The following TPST2 variants were observed in gnomAD, a reference collection of about 807,000 sequenced individuals.
The protein encoded by TPST2 is protein-tyrosine sulfotransferase 2.
Under a neutral mutation model 27.8 loss-of-function variants are expected in TPST2, and 16 were observed. That is an observed-to-expected ratio of 0.58 (90% CI 0.39 to 0.88). The LOEUF is 0.88. Ranked by LOEUF, TPST2 falls within the 40% of genes least tolerant of loss-of-function variation. TPST2 has a pLI of 0.00. For synonymous variants in TPST2, 229 were observed against 231.7 expected (o/e 0.99, Z 0.10); for missense variants, 464 against 543.1 (o/e 0.85, Z 1.45).
At chr22:26,585,532 T>C (rs2145943344) in intron 1 of TPST2, among the ~76,000 whole-genome samples, 1 of 152,188 alleles carries the variant, frequency 6.6e-6, no homozygotes, top group African/African-American at 2.4e-5. Context: ...TACATGCAGG[T>C]CCTCAGAGGG....
chr22:26,548,519 AAAG>A (rs1223264713), intron 1 of TPST2, among the ~76,000 whole-genome samples: 1 of 108,832 alleles, frequency 9.2e-6, no homozygotes, highest in Admixed American at 1.1e-4. Context: ...AAAGGAAGAA[AAAG>A]AAGAAAAGCA....
chr22:26,532,437 C>T (rs534545089), intron 5 of TPST2, among the ~76,000 whole-genome samples: 50 of 152,262 alleles, frequency 3.3e-4, no homozygotes, highest in Admixed American at 8.5e-4. Context: ...TGTGCCACTA[C>T]GCCCGGATAA....
intron 1 of TPST2, among the ~76,000 whole-genome samples, chr22:26,564,947 G>A (rs1927311315): frequency 6.6e-6 from 1 of 152,204 alleles, no homozygotes; most frequent in Non-Finnish European, 1.5e-5. Context: ...GTGAAATGAG[G>A]ACGTAACACA....
chr22:26,572,649 C>G (rs1246539340), intron 1 of TPST2, among the ~76,000 whole-genome samples: 1 of 152,104 alleles, frequency 6.6e-6, no homozygotes, highest in Non-Finnish European at 1.5e-5. Flanking sequence ...AAGCTCTACC[C>G]TCCTATGTCT....
At position 26,526,761 on chromosome 22, in the gene TPST2, G is replaced by C. The variant is rs58611941; in HGVS notation, c.*8-494C>G. Among the ~76,000 whole-genome samples the C allele has an allele frequency of 3.4e-3, 521 of 152,292 alleles. 4 individuals carry two copies. Among genetic ancestry groups the C allele is most frequent in the African/African-American group, 0.011 (474 of 41,550 alleles). ...GGGAGGAAAGCTGTTTTTCATGAGA[G>C]GGTTCTTTTCTTTGGAATAGAACTA... On this transcript the variant is annotated intron_variant, in intron 6 of 6. Transcript: ENST00000338754.
chr22:26,541,711 G>A lies in TPST2; in HGVS notation c.-81C>T, dbSNP rs1042170330. On this transcript the variant is annotated 5_prime_UTR_variant, in exon 3 of 7. Transcript: ENST00000338754. The surrounding 1 kb of genome is among the most constrained non-coding windows in gnomAD (Gnocchi z 5.9). ...GACAGGTTAGCGGGCAGCCCGCCAGGCTCACATCTGGGGAGAGAGGGGGAC... is the reference window on the plus strand; with the variant it reads ...GACAGGTTAGCGGGCAGCCCGCCAGACTCACATCTGGGGAGAGAGGGGGAC... The A allele has an allele frequency of 1.2e-5, 18 of 1,469,224 alleles. No homozygotes were observed. Among genetic ancestry groups the A allele is most frequent in the Admixed American group, 2.4e-5 (1 of 40,852 alleles). 91.0% of individuals were successfully genotyped at this position (1,469,224 alleles called of 1,614,324 possible). A position where few individuals can be genotyped will look rare whatever the true frequency, so the allele number is the denominator to read the frequency against.
chr22:26,558,073 T>TTATA (rs71702234), intron 1 of TPST2, among the ~76,000 whole-genome samples: 2 of 143,810 alleles, frequency 1.4e-5, no homozygotes, highest in African/African-American at 5.1e-5. Context: ...TATATAAAAT[T>TTATA]TATATATATA....
chr22:26,543,675 C>T (rs761493968), intron 2 of TPST2, among the ~76,000 whole-genome samples: 1 of 152,208 alleles, frequency 6.6e-6, no homozygotes, highest in Non-Finnish European at 1.5e-5. Flanking sequence ...AAAGCATTTT[C>T]CCTGCAGTAT....
intron 1 of TPST2, among the ~76,000 whole-genome samples, chr22:26,584,645 A>T (rs1928268215): frequency 6.6e-6 from 1 of 152,172 alleles, no homozygotes; most frequent in South Asian, 2.1e-4. Context: ...AGCCTAGGCA[A>T]CAGAGCAAGA....
chr22:26,552,524 C>T (rs1377663902), intron 1 of TPST2, among the ~76,000 whole-genome samples: 6 of 152,190 alleles, frequency 3.9e-5, no homozygotes, highest in Non-Finnish European at 5.9e-5. Context: ...CAACTTTCGA[C>T]GACCCTGCTT....
At position 26,550,543 on chromosome 22, in the gene TPST2, C is replaced by T. The variant is rs142140568; in HGVS notation, c.-160-5868G>A. On this transcript the variant is annotated intron_variant, in intron 1 of 6. Coordinates refer to ENST00000338754, the MANE Select transcript of TPST2 (RefSeq NM_003595.5). Reference sequence around the variant, plus strand: ...CAGGGGGGCAGGGAGGGGACAACAGCGGGGAGCTGGCAGTGCACAAAGCCA... The same window carrying T: ...CAGGGGGGCAGGGAGGGGACAACAGTGGGGAGCTGGCAGTGCACAAAGCCA... 4.0e-4 allele frequency: 388 copies of T among 978,150 alleles called. 1 individual carries two copies. The African/African-American group carries it at 4.3e-3, about 11-fold the overall frequency. 60.6% of individuals were successfully genotyped at this position (978,150 alleles called of 1,614,324 possible).
chr22:26,528,411 A>G, intron 5 of TPST2, 149 bp from the exon 6 acceptor site: 1 of 1,060,652 alleles, frequency 9.4e-7, no homozygotes, highest in South Asian at 1.5e-5. Flanking sequence ...AGGTGCTGGG[A>G]TAGCGTGGTG....
intron 1 of TPST2, among the ~76,000 whole-genome samples, chr22:26,562,040 A>G (rs1927127832): frequency 2.0e-5 from 3 of 150,714 alleles, no homozygotes; most frequent in African/African-American, 7.5e-5. Flanking sequence ...CGGGCTGGTG[A>G]ACACCAAGCA....
chr22:26,534,931 C>T (rs376917153), intron 4 of TPST2, among the ~76,000 whole-genome samples: 21 of 152,218 alleles, frequency 1.4e-4, no homozygotes, highest in South Asian at 6.2e-4. Context: ...CTGTCAATGT[C>T]GGCTGGTATG....
In TPST2 at chr22:26,525,547, G is replaced by C. The variant is rs541392346; in HGVS notation, c.*728C>G. 1 of 152,300 alleles carries C rather than the reference G, an allele frequency of 6.6e-6. No homozygotes were observed. Among genetic ancestry groups the C allele is most frequent in the Non-Finnish European group, 1.5e-5 (1 of 68,028 alleles). 9.4% of individuals were successfully genotyped at this position (152,300 alleles called of 1,614,324 possible). On this transcript the variant is annotated 3_prime_UTR_variant, in exon 7 of 7. Transcript: ENST00000338754. ...TGATTTTAATGTTTATCCTTTTGCT[G>C]TAATAAACCATAACCATAAGGATAA...
chr22:26,562,582 G>A (rs539647792), intron 1 of TPST2, among the ~76,000 whole-genome samples: 9 of 150,218 alleles, frequency 6.0e-5, no homozygotes, highest in South Asian at 4.3e-4. Context: ...CTGTTGATTA[G>A]TTTGGAGGGG....
Position 26,541,249 on chromosome 22 carries a change from C to G in TPST2, c.382G>C (p.Val128Leu), listed in dbSNP as rs138925948. Residue 128 changes from valine (V) to leucine (L), a missense_variant, in exon 3 of 7, where the codon GTG (valine) becomes CTG (leucine). Coordinates refer to ENST00000338754, the MANE Select transcript of TPST2 (RefSeq NM_003595.5). This position sits in a 1 kb window ranked among gnomAD's most constrained non-coding sequence, Gnocchi z 5.9. ...GCGGCGTCCAGCACCTCATCCGTCA[C>G]CCCCGCCTCATCCAGCCGCAGCTTC... ...REKLRLDEAGVTDEVLDAAMQ... is the reference protein window; with the variant it reads ...REKLRLDEAGLTDEVLDAAMQ... The G allele has an allele frequency of 1.8e-5, 28 of 1,543,008 alleles. No homozygotes were observed. The highest frequency in any genetic ancestry group is 2.4e-5 in the Non-Finnish European group (27 of 1,142,996).
Position 26,590,079 on chromosome 22 carries a change from C to A in TPST2, c.-187G>T, listed in dbSNP as rs1160735789. ...GTGGCGAGACGCGGCGAGGCAGCCC[C>A]ACGCACCCAGCGACTCCCGGCTCTC... On this transcript the variant is annotated 5_prime_UTR_variant, in exon 1 of 7. Transcript: ENST00000338754. 1 of 151,894 alleles carries A rather than the reference C, an allele frequency of 6.6e-6. No individual in the cohort carries two copies. Among genetic ancestry groups the A allele is most frequent in the Non-Finnish European group, 1.5e-5 (1 of 67,986 alleles). 9.4% of individuals were successfully genotyped at this position (151,894 alleles called of 1,614,324 possible). A position where few individuals can be genotyped will look rare whatever the true frequency, so the allele number is the denominator to read the frequency against.
At chr22:26,583,841 A>G (rs1226738902) in intron 1 of TPST2, among the ~76,000 whole-genome samples, 1 of 136,192 alleles carries the variant, frequency 7.3e-6, no homozygotes, top group Non-Finnish European at 1.5e-5. Flanking sequence ...ACTTCGTCTC[A>G]AAAAAAAAAA....
Sources: allele counts gnomAD v4.1 joint callset (sites outside exome capture counted in the v4.1 genomes callset), GRCh38; gene constraint gnomAD v4.1.1; non-coding constraint Gnocchi (gnomAD v3.1); transcripts MANE v1.5; gene names NCBI Gene and HGNC (gene_info 2026-07-23, HGNC 2026-07-21).